DACT1: variants seen among roughly 807,000 people sequenced by gnomAD.
DACT1 encodes dapper homolog 1.
In DACT1, 19 loss-of-function variants were observed where a neutral mutation model predicts 35.3. That is an observed-to-expected ratio of 0.54 (90% CI 0.38 to 0.79). DACT1 has a LOEUF of 0.79. Ranked by LOEUF, DACT1 falls within the 30% of genes least tolerant of loss-of-function variation. DACT1 has a pLI of 0.00. For missense variants in DACT1, 1,143 were observed against 1,057.5 expected (o/e 1.08, Z -1.12); for synonymous variants, 545 against 466.7 (o/e 1.17, Z -2.16).
At chr14:58,640,952 A>G in intron 2 of DACT1, 84 bp downstream of exon 2, 1 of 1,469,428 alleles carries the variant, frequency 6.8e-7, no homozygotes, top group Non-Finnish European at 9.4e-7. Flanking sequence ...AGACCTGCAA[A>G]TGGCAATGGA....
chr14:58,640,801 T>C lies in DACT1; in HGVS notation c.411T>C (p.Ser137=), dbSNP rs770263839. Residue 137 remains serine (S), a synonymous_variant, in exon 2 of 4, where the codon AGT becomes AGC. Coordinates refer to ENST00000395153, the MANE Select transcript of DACT1 (RefSeq NM_001079520.2). ...TGCAAGAGCTTGACAAGCAGATAAG[T>C]GACCTGAGACTGGATGTAGAAAAGA... ...NQLQELDKQI[S]DLRLDVEKTS... 3 of 1,614,140 alleles carry C rather than the reference T, an allele frequency of 1.9e-6. No homozygotes were observed. In the East Asian group the frequency reaches 6.7e-5, roughly 36 times the overall value.
chr14:58,640,071 C>T (rs1175839137), intron 1 of DACT1, among the ~76,000 whole-genome samples: 1 of 152,170 alleles, frequency 6.6e-6, no homozygotes, highest in Non-Finnish European at 1.5e-5. Flanking sequence ...CCCGTTTTTC[C>T]AGCAATAGGA....
At chr14:58,643,116 T>A (rs1472651742) in intron 3 of DACT1, among the ~76,000 whole-genome samples, 1 of 152,254 alleles carries the variant, frequency 6.6e-6, no homozygotes, top group East Asian at 1.9e-4. Context: ...GAAGTTAAGC[T>A]CAGGCCTAAC....
rs2140221042 is a variant in DACT1, at chr14:58,646,869, ACAC to A, written c.2141_2143del (p.Thr714del). The A allele has an allele frequency of 6.2e-7, 1 of 1,614,092 alleles. No homozygotes were observed. The highest frequency in any genetic ancestry group is 1.6e-4 in the Middle Eastern group (1 of 6,062). Reference sequence around the variant, plus strand: ...ACCAGTGAGGACGAGCAGAGCAATTACACCACCAACTGCTTCGGGGACAGCGAG... The same window carrying A: ...ACCAGTGAGGACGAGCAGAGCAATTACACCAACTGCTTCGGGGACAGCGAG... On this transcript the variant is annotated inframe_deletion, in exon 4 of 4. Coordinates refer to ENST00000395153, the MANE Select transcript of DACT1 (RefSeq NM_001079520.2).
intron 1 of DACT1, 64 bp from the exon 2 acceptor site, chr14:58,640,667 TTAGAG>T (rs1286962911): frequency 1.9e-6 from 3 of 1,588,798 alleles, no homozygotes; most frequent in African/African-American, 1.3e-5. Flanking sequence ...ATTTGAATCC[TTAGAG>T]TAGACTTTCT....
chr14:58,640,269 A>G (rs1427357676), intron 1 of DACT1, among the ~76,000 whole-genome samples: 1 of 152,244 alleles, frequency 6.6e-6, no homozygotes, highest in Non-Finnish European at 1.5e-5. Context: ...CCCACAAAGC[A>G]ACTAATAGAA....
At position 58,638,061 on chromosome 14, in the gene DACT1, G is replaced by A; in HGVS notation, c.-142G>A. 1 of 898,684 alleles carries A rather than the reference G, an allele frequency of 1.1e-6. No homozygotes were observed. 55.7% of individuals were successfully genotyped at this position (898,684 alleles called of 1,614,324 possible). A position where few individuals can be genotyped will look rare whatever the true frequency, so the allele number is the denominator to read the frequency against. ...GCCGGCGGTCGCGCGCAGGACTCGA[G>A]GGCTTCTAGCCACCGTCCCCGCCAG... On this transcript the variant is annotated 5_prime_UTR_variant, in exon 1 of 4. Transcript: ENST00000395153.
chr14:58,637,246 C>T (rs1459171718), upstream of DACT1, among the ~76,000 whole-genome samples: 1 of 152,232 alleles, frequency 6.6e-6, no homozygotes, highest in Non-Finnish European at 1.5e-5. Context: ...CACGCGCGCG[C>T]ACTCAAATCG....
At chr14:58,637,762 G>A (rs995594753), upstream of DACT1, among the ~76,000 whole-genome samples, 3 of 152,070 alleles carry the variant, frequency 2.0e-5, no homozygotes, top group Non-Finnish European at 4.4e-5. Flanking sequence ...CGAAGAGAGC[G>A]GGGGAGGAGG....
intron 3 of DACT1, among the ~76,000 whole-genome samples, chr14:58,642,865 T>C (rs1273663421): frequency 6.6e-6 from 1 of 152,238 alleles, no homozygotes; most frequent in East Asian, 1.9e-4. Context: ...TATTCCTTAT[T>C]TTGGGATATC....
rs773720154 is a variant in DACT1 at position 58,647,022 on chromosome 14, A to G, written c.2288A>G (p.Asp763Gly). Residue 763 changes from aspartate to glycine, a missense_variant, in exon 4 of 4, where the codon GAC becomes GGC. This residue lies in a region of DACT1 where 1,054 missense variants were observed against 958.8 expected (regional missense o/e 1.10). Coordinates refer to ENST00000395153, the MANE Select transcript of DACT1 (RefSeq NM_001079520.2). ...CCCATTCAAACGGTAACGGCCCCAG[A>G]CCTTCACAACCACCCCGCAAAAACC... ...TLPIQTVTAP[D>G]LHNHPAKTFV... 18 of 1,614,150 alleles carry G rather than the reference A, an allele frequency of 1.1e-5. No homozygotes were observed. In the East Asian group the frequency reaches 3.8e-4, roughly 34 times the overall value.
chr14:58,644,998 C>A (rs1211118382), intron 3 of DACT1, among the ~76,000 whole-genome samples: 5 of 152,074 alleles, frequency 3.3e-5, no homozygotes, highest in Non-Finnish European at 7.4e-5. Flanking sequence ...AGTGTTTTCC[C>A]TCTATTATGC....
chr14:58,640,682 TG>T (rs2047617912), intron 1 of DACT1, 53 bp from the exon 2 acceptor site: 1 of 1,604,284 alleles, frequency 6.2e-7, no homozygotes, highest in Non-Finnish European at 8.5e-7. Flanking sequence ...GTAGACTTTC[TG>T]GTTCTTTTGT....
chr14:58,640,817 G>A lies in DACT1; in HGVS notation c.427G>A (p.Val143Ile). ...GCAGATAAGTGACCTGAGACTGGAT[G>A]TAGAAAAGACATCTGAAGAGCACCT... Reference protein sequence around the residue: ...DKQISDLRLDVEKTSEEHLET... With the variant: ...DKQISDLRLDIEKTSEEHLET... The change falls in exon 2 of 4, where the codon GTA (valine) becomes ATA (isoleucine). Residue 143 changes from valine to isoleucine, a missense_variant. Val to Ile is a conservative substitution (Grantham distance 29, BLOSUM62 3). Coordinates refer to ENST00000395153, the MANE Select transcript of DACT1 (RefSeq NM_001079520.2). 1 of 1,614,162 alleles carries A rather than the reference G, an allele frequency of 6.2e-7. No individual in the cohort carries two copies. The highest frequency in any genetic ancestry group is 1.3e-5 in the African/African-American group (1 of 75,036).
intron 1 of DACT1, among the ~76,000 whole-genome samples, chr14:58,640,315 A>G (rs953899834): frequency 5.9e-5 from 9 of 152,182 alleles, no homozygotes; most frequent in African/African-American, 1.9e-4. Flanking sequence ...TTGGCCAGAA[A>G]ATCTCACCTA....
Position 58,646,355 on chromosome 14 carries a change from G to T in DACT1, c.1621G>T (p.Val541Phe). ...RLHRGHRNMG[V>F]VKNSSLKHRG... ...CCACCGGGGCCACAGGAACATGGGC[G>T]TCGTGAAGAACTCCAGCCTGAAGCA... The change falls in exon 4 of 4, where the codon GTC becomes TTC. Residue 541 changes from valine to phenylalanine, a missense_variant. This residue lies in a region of DACT1 where 1,054 missense variants were observed against 958.8 expected (regional missense o/e 1.10). Transcript: ENST00000395153. 6.2e-7 allele frequency: 1 copy of T among 1,606,468 alleles called. No homozygotes were observed. The highest frequency in any genetic ancestry group is 8.5e-7 in the Non-Finnish European group (1 of 1,178,170).
rs1197766668 is a variant in DACT1 at position 58,639,329 on chromosome 14, GA to G, written c.345+784del. 7 of 915,066 alleles carry G rather than the reference GA, an allele frequency of 7.6e-6. No homozygotes were observed. The South Asian group carries it at 2.0e-4, about 26-fold the overall frequency. 56.7% of individuals were successfully genotyped at this position (915,066 alleles called of 1,614,324 possible). On this transcript the variant is annotated intron_variant, in intron 1 of 3. Transcript: ENST00000395153. ...TTTCTATGCAGTCTTCATTAATGGG[GA>G]AGAAAAAGAACTTTGTAGCTTAATG...
chr14:58,638,521 A>G lies in DACT1; in HGVS notation c.319A>G (p.Asn107Asp). Residue 107 changes from asparagine to aspartate, a missense_variant, in exon 1 of 4, where the codon AAC becomes GAC. Transcript: ENST00000395153. ...CCTGGAGGAGAAGTTCTTGGAGGAG[A>G]ACATCTTGCTGCTAAGAAAGCAATT... ...SRLEEKFLEENILLLRKQLNC... is the reference protein window; with the variant it reads ...SRLEEKFLEEDILLLRKQLNC... 7.4e-7 allele frequency: 1 copy of G among 1,346,778 alleles called. No individual in the cohort carries two copies. The highest frequency in any genetic ancestry group is 9.6e-7 in the Non-Finnish European group (1 of 1,042,194). The allele number at this position is 1,346,778 out of a possible 1,614,324, so 83.4% of individuals were successfully genotyped here. A position where few individuals can be genotyped will look rare whatever the true frequency, so the allele number is the denominator to read the frequency against.
chr14:58,641,395 A>G (rs143945341), intron 2 of DACT1, among the ~76,000 whole-genome samples, 197 bp from the exon 3 acceptor site: 168 of 152,254 alleles, frequency 1.1e-3, no homozygotes, highest in Admixed American at 4.2e-3. Context: ...ACCCCTAGTT[A>G]TGGGCTCTTT....
Sources: allele counts gnomAD v4.1 joint callset (sites outside exome capture counted in the v4.1 genomes callset), GRCh38; gene constraint gnomAD v4.1.1; regional missense constraint gnomAD v4.1.1; transcripts MANE v1.5; gene names NCBI Gene and HGNC (gene_info 2026-07-23, HGNC 2026-07-21).